Variants in ZNF592 observed in about 807,000 individuals in gnomAD.
The protein encoded by ZNF592 is zinc finger protein 592.
In ZNF592, 11 loss-of-function variants were observed where a neutral mutation model predicts 80.3. That is an observed-to-expected ratio of 0.14 (90% CI 0.09 to 0.23). The LOEUF is 0.23. Among genes scored for constraint, ZNF592 ranks in the 10% least tolerant of loss-of-function variants. ZNF592 has a pLI of 1.00. For synonymous variants in ZNF592, 646 were observed against 640.3 expected (o/e 1.01, Z -0.13); for missense variants, 1,420 against 1,633.9 (o/e 0.87, Z 2.26).
intron 1 of ZNF592, among the ~76,000 whole-genome samples, chr15:84,756,786 C>T (rs113253702): frequency 0.038 from 5,738 of 152,092 alleles, 154 homozygotes; most frequent in Non-Finnish European, 0.053. Context: ...TGGCTGGATT[C>T]GAAATCCTAG....
intron 1 of ZNF592, among the ~76,000 whole-genome samples, chr15:84,750,339 C>G (rs1240420218): frequency 1.3e-5 from 2 of 152,192 alleles, no homozygotes; most frequent in African/African-American, 4.8e-5. Context: ...TATTCAACAA[C>G]AAATATTTGT....
chr15:84,799,249 C>A lies in ZNF592; in HGVS notation c.3137+39C>A. 1 of 1,585,578 alleles carries A rather than the reference C, an allele frequency of 6.3e-7. No homozygotes were observed. Among genetic ancestry groups the A allele is most frequent in the South Asian group, 1.1e-5 (1 of 90,494 alleles). Reference sequence around the variant, plus strand: ...GATAGTAGTGAGGAGGCCTGAGGTTCAAAAGACTCTGTCCGTGGCACCACT... The same window carrying A: ...GATAGTAGTGAGGAGGCCTGAGGTTAAAAAGACTCTGTCCGTGGCACCACT... On this transcript the variant is annotated intron_variant, in intron 9 of 10. Transcript: ENST00000560079. The surrounding 1 kb of genome is among the most constrained non-coding windows in gnomAD (Gnocchi z 4.2).
intron 1 of ZNF592, among the ~76,000 whole-genome samples, chr15:84,757,036 C>T (rs1221860554): frequency 6.6e-6 from 1 of 152,084 alleles, no homozygotes; most frequent in Non-Finnish European, 1.5e-5. Context: ...TCGCTTGAAC[C>T]TGGGAGGTAG....
chr15:84,774,724 TGTCTACTA>T (rs1290548485), intron 2 of ZNF592, among the ~76,000 whole-genome samples: 2 of 152,222 alleles, frequency 1.3e-5, no homozygotes, highest in East Asian at 1.9e-4. Context: ...GTAGAAATTC[TGTCTACTA>T]GTCTACTAGT....
At chr15:84,761,504 G>A (rs1167363631) in intron 1 of ZNF592, among the ~76,000 whole-genome samples, 1 of 152,226 alleles carries the variant, frequency 6.6e-6, no homozygotes, top group East Asian at 1.9e-4. Context: ...TGCTTCCAAT[G>A]TGGTAGAGTT....
rs548188578 is a variant in ZNF592, at chr15:84,772,367, A to G, written c.-149-5816A>G. 1.6e-4 allele frequency among the ~76,000 whole-genome samples: 25 copies of G among 152,196 alleles called. No individual in the cohort carries two copies. The South Asian group carries it at 5.0e-3, about 30-fold the overall frequency. ...TGTCTGCTTCCATTCCTGGTATAAC[A>G]TAGGGAGACCCTGTCTCTACAAAAA... On this transcript the variant is annotated intron_variant, in intron 2 of 10. Transcript: ENST00000560079.
intron 4 of ZNF592, among the ~76,000 whole-genome samples, chr15:84,786,826 C>G (rs930756279): frequency 6.9e-6 from 1 of 145,258 alleles, no homozygotes; most frequent in African/African-American, 2.5e-5. Flanking sequence ...TTTTTTCACA[C>G]TGGTCCTTAC....
intron 2 of ZNF592, among the ~76,000 whole-genome samples, chr15:84,770,541 G>A (rs1460828032): frequency 1.3e-5 from 2 of 152,184 alleles, no homozygotes; most frequent in Non-Finnish European, 2.9e-5. Context: ...AGGTGCTCAA[G>A]AGCAGGGTCT....
In ZNF592 at chr15:84,798,363, C is replaced by T. The variant is rs1962984504; in HGVS notation, c.2625C>T (p.His875=). The T allele has an allele frequency of 1.2e-6, 2 of 1,614,112 alleles. No homozygotes were observed. The change falls in exon 7 of 11, where the codon CAC becomes CAT. Residue 875 remains histidine (H), a synonymous_variant. Transcript: ENST00000560079. The surrounding 1 kb of genome is among the most constrained non-coding windows in gnomAD (Gnocchi z 4.5). ...AAATGGTCTTCAACAAGAAGAGGCA[C>T]ATTCAGCAGCATTTTTACCAGAATG... ...SCEMVFNKKR[H]IQQHFYQNVS...
At position 84,802,270 on chromosome 15, in the gene ZNF592, A is replaced by C; in HGVS notation, c.3681A>C (p.Ser1227=). ...GLEECAGEPL[S]ADPEARRLLG... ...AAGAATGTGCCGGTGAGCCTTTGTC[A>C]GCTGACCCAGAGGCGAGGAGATTGC... The change falls in exon 11 of 11, where the codon TCA becomes TCC. Residue 1227 remains serine, a synonymous_variant. Coordinates refer to ENST00000560079, the MANE Select transcript of ZNF592 (RefSeq NM_014630.3). The C allele has an allele frequency of 6.2e-7, 1 of 1,609,352 alleles. No individual in the cohort carries two copies. Among genetic ancestry groups the C allele is most frequent in the Non-Finnish European group, 8.5e-7 (1 of 1,176,818 alleles).
intron 1 of ZNF592, among the ~76,000 whole-genome samples, chr15:84,751,310 G>A (rs971033718): frequency 6.6e-6 from 1 of 152,242 alleles, no homozygotes; most frequent in Non-Finnish European, 1.5e-5. Context: ...GGGGATAGAT[G>A]ACTTATTCAA....
chr15:84,768,546 C>CT (rs949563527), intron 2 of ZNF592, among the ~76,000 whole-genome samples: 2 of 151,978 alleles, frequency 1.3e-5, no homozygotes, highest in African/African-American at 2.4e-5. Flanking sequence ...CCTTTTGTGT[C>CT]TTTTTTTCTT....
chr15:84,784,588 A>T lies in ZNF592; in HGVS notation c.1913A>T (p.Asp638Val), dbSNP rs780058642. 16 of 1,614,080 alleles carry T rather than the reference A, an allele frequency of 9.9e-6. No homozygotes were observed. In the South Asian group the frequency reaches 1.6e-4, roughly 17 times the overall value. Residue 638 changes from aspartate (D) to valine (V), a missense_variant, in exon 4 of 11, where the codon GAC becomes GTC. Transcript: ENST00000560079. This position sits in a 1 kb window ranked among gnomAD's most constrained non-coding sequence, Gnocchi z 5.8. Reference protein sequence around the residue: ...NKCSLLRHARDHKSKGLVMQC... With the variant: ...NKCSLLRHARVHKSKGLVMQC... ...TGCAGCCTGCTCCGGCACGCCCGTG[A>T]CCACAAGAGCAAGGGGCTCGTCATG... is the stretch of plus-strand genomic sequence containing the variant.
intron 1 of ZNF592, among the ~76,000 whole-genome samples, chr15:84,754,719 A>T (rs960115772): frequency 2.6e-5 from 4 of 151,836 alleles, no homozygotes; most frequent in Admixed American, 1.3e-4. Context: ...AAAAAAAAAA[A>T]AAGAGAGGTA....
chr15:84,783,748 G>GC lies in ZNF592; in HGVS notation c.1074dup (p.Lys359GlnfsTer23). ...CGTAGCATCTGCAGTGACAGCAGCA[G>GC]CAAAGGCTCACCGTCTGTGGCTGCC... On this transcript the variant is annotated frameshift_variant, in exon 4 of 11. Coordinates refer to ENST00000560079, the MANE Select transcript of ZNF592 (RefSeq NM_014630.3). LOFTEE classifies it high-confidence loss of function. The surrounding 1 kb of genome is among the most constrained non-coding windows in gnomAD (Gnocchi z 5.0). 1 of 1,614,236 alleles carries GC rather than the reference G, an allele frequency of 6.2e-7. No homozygotes were observed. Among genetic ancestry groups the GC allele is most frequent in the Non-Finnish European group, 8.5e-7 (1 of 1,180,036 alleles).
At chr15:84,782,062 A>C (rs1485297192) in intron 3 of ZNF592, among the ~76,000 whole-genome samples, 1 of 152,238 alleles carries the variant, frequency 6.6e-6, no homozygotes, top group African/African-American at 2.4e-5. Flanking sequence ...GTGAAAAGGA[A>C]TCAAGTGTGT....
rs1225296584 is a variant in ZNF592, at chr15:84,783,346, A to G, written c.671A>G (p.Asn224Ser). The stretch of plus-strand genomic sequence containing the variant: ...CAGGAACACGAGCAAAGTGGGCAGA[A>G]CACAGTGGAACCTCACAAGGATCCG... The part of the protein sequence containing the change: ...SQQEHEQSGQ[N>S]TVEPHKDPDA... Residue 224 changes from asparagine (N) to serine (S), a missense_variant, in exon 4 of 11, where the codon AAC (asparagine) becomes AGC (serine). Physicochemically the swap from Asn to Ser is conservative, Grantham distance 46 (BLOSUM62 1). This residue lies in a region of ZNF592 where 373 missense variants were observed against 355.5 expected (regional missense o/e 1.05). Coordinates refer to ENST00000560079, the MANE Select transcript of ZNF592 (RefSeq NM_014630.3). The surrounding 1 kb of genome is among the most constrained non-coding windows in gnomAD (Gnocchi z 5.0). 1 of 1,614,244 alleles carries G rather than the reference A, an allele frequency of 6.2e-7. No individual in the cohort carries two copies. Among genetic ancestry groups the G allele is most frequent in the Non-Finnish European group, 8.5e-7 (1 of 1,180,046 alleles).
rs1436428067 is a variant in ZNF592, at chr15:84,801,871, T to C, written c.3282T>C (p.His1094=). The C allele has an allele frequency of 3.7e-6, 6 of 1,613,892 alleles. No homozygotes were observed. Among genetic ancestry groups the C allele is most frequent in the Non-Finnish European group, 5.1e-6 (6 of 1,179,862 alleles). Reference sequence around the variant, plus strand: ...GCTGTCTCTCCTTTTAGGTGAACCATCTGAAAAGACCAGTCAGTGGAGTGG... The same window carrying C: ...GCTGTCTCTCCTTTTAGGTGAACCACCTGAAAAGACCAGTCAGTGGAGTGG... ...PPGGHSPQVN[H]LKRPVSGVGD... is the part of the protein sequence containing the mutation. Residue 1094 remains histidine, a synonymous_variant, in exon 11 of 11, where the codon CAT becomes CAC. Transcript: ENST00000560079.
Position 84,766,706 on chromosome 15 carries a change from AGTGTGTGTGT to A in ZNF592, c.-150+1916_-150+1925del, listed in dbSNP as rs10667788. 1.3e-4 allele frequency among the ~76,000 whole-genome samples: 18 copies of A among 140,250 alleles called. 1 individual carries two copies. The East Asian group carries it at 2.2e-3, about 17-fold the overall frequency. The allele number at this position is 140,250 out of a possible 152,430, so 92.0% of individuals were successfully genotyped here. On this transcript the variant is annotated intron_variant, in intron 2 of 10. Coordinates refer to ENST00000560079, the MANE Select transcript of ZNF592 (RefSeq NM_014630.3). ...AATAGAGGGAGAGAGGATGAGAAAG[AGTGTGTGTGT>A]GTGTGTGTGTGTGTGTGTGTGTGTA...
Sources: allele counts gnomAD v4.1 joint callset (sites outside exome capture counted in the v4.1 genomes callset), GRCh38; gene constraint gnomAD v4.1.1; regional missense constraint gnomAD v4.1.1; non-coding constraint Gnocchi (gnomAD v3.1); transcripts MANE v1.5; gene names NCBI Gene and HGNC (gene_info 2026-07-23, HGNC 2026-07-21).